The following AGBL3 variants were observed in gnomAD, a reference collection of about 807,000 sequenced individuals.
AGBL3 encodes the protein AGBL carboxypeptidase 3.
In AGBL3, 68 loss-of-function variants were observed where a neutral mutation model predicts 94.5. That is an observed-to-expected ratio of 0.72 (90% CI 0.59 to 0.88). The LOEUF (loss-of-function observed/expected upper bound fraction) is 0.88. AGBL3 is among the 40% of genes least tolerant of loss of function. The pLI is 0.00. For synonymous variants in AGBL3, 354 were observed against 370.7 expected (o/e 0.95, Z 0.52); for missense variants, 934 against 1,103.8 (o/e 0.85, Z 2.18).
chr7:135,003,356 T>G (rs1811965255), intron 4 of AGBL3, among the ~76,000 whole-genome samples: 1 of 152,102 alleles, frequency 6.6e-6, no homozygotes, highest in Non-Finnish European at 1.5e-5. Context: ...AGCATGAAAC[T>G]CTATTACTAT....
chr7:135,042,326 T>C (rs1816934865), intron 8 of AGBL3, among the ~76,000 whole-genome samples: 1 of 152,212 alleles, frequency 6.6e-6, no homozygotes, highest in Non-Finnish European at 1.5e-5. Flanking sequence ...TACAATGGAA[T>C]AGTACTTGCC....
intron 11 of AGBL3, among the ~76,000 whole-genome samples, chr7:135,057,353 T>G (rs188800633): frequency 1.3e-5 from 2 of 152,260 alleles, no homozygotes; most frequent in East Asian, 3.9e-4. Context: ...TAATGACTTT[T>G]TAGATATGAC....
At chr7:134,993,440 A>C in intron 3 of AGBL3, 53 bp from the exon 4 acceptor site, 1 of 1,398,050 alleles carries the variant, frequency 7.2e-7, no homozygotes. Context: ...AAATTACAGG[A>C]GTTGGTATTT....
chr7:135,027,382 T>A, intron 5 of AGBL3, among the ~76,000 whole-genome samples: 1 of 151,248 alleles, frequency 6.6e-6, no homozygotes, highest in East Asian at 2.1e-4. Flanking sequence ...CCTTTTTTTG[T>A]TTGTTTTAAA....
At chr7:135,005,731 C>A (rs1402901745) in intron 4 of AGBL3, among the ~76,000 whole-genome samples, 1 of 151,764 alleles carries the variant, frequency 6.6e-6, no homozygotes, top group African/African-American at 2.4e-5. Context: ...GTAGTCAAAG[C>A]TATGTGGTAT....
At chr7:134,999,242 G>A (rs1043405424) in intron 4 of AGBL3, among the ~76,000 whole-genome samples, 10 of 152,004 alleles carry the variant, frequency 6.6e-5, no homozygotes, top group Non-Finnish European at 8.8e-5. Flanking sequence ...TCTACCTCTG[G>A]GGGTGCAAAG....
At chr7:135,108,538 A>G (rs1825121294) in intron 15 of AGBL3, among the ~76,000 whole-genome samples, 1 of 152,106 alleles carries the variant, frequency 6.6e-6, no homozygotes, top group Admixed American at 6.6e-5. Context: ...TAGGCCCCCA[A>G]TCTCTTCTGG....
Position 135,034,420 on chromosome 7 carries a change from T to C in AGBL3, c.829T>C (p.Tyr277His), listed in dbSNP as rs1816092724. Residue 277 changes from tyrosine to histidine, a missense_variant, in exon 7 of 17, where the codon TAT (tyrosine) becomes CAT (histidine). Around this residue, in one of 3 missense-constraint regions of AGBL3, gnomAD observed 488 missense variants for 563.6 expected, o/e 0.87. Transcript: ENST00000436302. ...RNNPGQDGRH[Y>H]FSLTWTFQFP... ...CAACCCAGGCCAAGATGGGCGCCAT[T>C]ATTTCTCTCTTACATGGACATTTCA... 1.3e-6 allele frequency: 2 copies of C among 1,551,618 alleles called. No homozygotes were observed. The highest frequency in any genetic ancestry group is 1.7e-6 in the Non-Finnish European group (2 of 1,147,000).
chr7:135,077,184 GT>G (rs1820533921), intron 13 of AGBL3, among the ~76,000 whole-genome samples: 1 of 152,098 alleles, frequency 6.6e-6, no homozygotes, highest in Non-Finnish European at 1.5e-5. Flanking sequence ...TCCCCCTGCT[GT>G]CTGTTGCTAA....
At chr7:135,048,272 A>G (rs1817556886) in intron 11 of AGBL3, among the ~76,000 whole-genome samples, 1 of 151,914 alleles carries the variant, frequency 6.6e-6, no homozygotes, top group Admixed American at 6.6e-5. Flanking sequence ...ATTTGAAATC[A>G]GAGAAAGTGA....
chr7:135,106,849 T>G (rs1166454845), intron 15 of AGBL3, among the ~76,000 whole-genome samples: 1 of 152,160 alleles, frequency 6.6e-6, no homozygotes, highest in Non-Finnish European at 1.5e-5. Flanking sequence ...GTCCTGGGAT[T>G]TTTTTGGATG....
chr7:135,060,697 C>T lies in AGBL3; in HGVS notation c.1908+1462C>T, dbSNP rs1220082971. The stretch of plus-strand genomic sequence containing the variant: ...ATCTCACTTAACGCAATGTCCTCCA[C>T]GTTCATCTATATTACTCCAAGTGAA... On this transcript the variant is annotated intron_variant, in intron 12 of 16. Coordinates refer to ENST00000436302, the MANE Select transcript of AGBL3 (RefSeq NM_178563.4). 2.6e-5 allele frequency among the ~76,000 whole-genome samples: 4 copies of T among 152,208 alleles called. No homozygotes were observed. In the East Asian group the frequency reaches 5.8e-4, roughly 22 times the overall value.
At chr7:134,988,366 G>T (rs900581415) in intron 2 of AGBL3, 1 of 184,518 alleles carries the variant, frequency 5.4e-6, no homozygotes, top group African/African-American at 2.4e-5. Context: ...TAGAACCACC[G>T]TGTTCTAACC....
At chr7:135,041,553 AAAAC>A (rs915050132) in intron 8 of AGBL3, among the ~76,000 whole-genome samples, 5 of 152,286 alleles carry the variant, frequency 3.3e-5, no homozygotes, top group African/African-American at 1.2e-4. Context: ...ATCCATCTAA[AAAAC>A]AAAAAACTTT....
At chr7:135,041,239 G>A (rs1267313167) in intron 8 of AGBL3, among the ~76,000 whole-genome samples, 1 of 152,088 alleles carries the variant, frequency 6.6e-6, no homozygotes, top group Admixed American at 6.6e-5. Context: ...CAAAATCACA[G>A]CATAATTGTT....
intron 12 of AGBL3, among the ~76,000 whole-genome samples, chr7:135,067,520 C>T (rs566631004): frequency 1.9e-4 from 29 of 152,260 alleles, no homozygotes; most frequent in African/African-American, 6.5e-4. Context: ...TCACACGGCC[C>T]GGTACTCCTC....
chr7:135,085,708 A>G (rs902693980), intron 15 of AGBL3, among the ~76,000 whole-genome samples: 2 of 151,952 alleles, frequency 1.3e-5, no homozygotes, highest in Admixed American at 6.6e-5. Context: ...TGGTCTACAT[A>G]TCTGTTTTTA....
Position 135,099,176 on chromosome 7 carries a change from TGTCCTAGATTGGCTCTAAAAATGTTG to T in AGBL3, c.2111-16201_2111-16176del, listed in dbSNP as rs536046593. On this transcript the variant is annotated intron_variant, in intron 15 of 16. Coordinates refer to ENST00000436302, the MANE Select transcript of AGBL3 (RefSeq NM_178563.4). ...ACTATTTTTTGGTCTGGTATATCTG[TGTCCTAGATTGGCTCTAAAAATGTTG>T]GTTACCTTAGTGTACCTGTCACTGT... 4.3e-3 allele frequency among the ~76,000 whole-genome samples: 508 copies of T among 118,548 alleles called. 2 individuals carry two copies. Among genetic ancestry groups the T allele is most frequent in the Non-Finnish European group, 6.8e-3 (354 of 52,006 alleles). 77.8% of individuals were successfully genotyped at this position (118,548 alleles called of 152,430 possible). A position where few individuals can be genotyped will look rare whatever the true frequency, so the allele number is the denominator to read the frequency against.
intron 3 of AGBL3, among the ~76,000 whole-genome samples, chr7:134,989,908 G>T (rs1810011871): frequency 6.6e-6 from 1 of 151,420 alleles, no homozygotes; most frequent in Non-Finnish European, 1.5e-5. Context: ...AGTTTGGTGT[G>T]TATCATTCTA....
Sources: allele counts gnomAD v4.1 joint callset (sites outside exome capture counted in the v4.1 genomes callset), GRCh38; gene constraint gnomAD v4.1.1; regional missense constraint gnomAD v4.1.1; transcripts MANE v1.5; gene names NCBI Gene and HGNC (gene_info 2026-07-23, HGNC 2026-07-21).